MPPED2: variants seen among roughly 807,000 people sequenced by gnomAD.
The protein encoded by MPPED2 is metallophosphoesterase MPPED2.
In MPPED2, 5 loss-of-function variants were observed where a neutral mutation model predicts 33.0. The ratio of observed to expected loss-of-function variants is 0.15; its 90% confidence interval spans 0.08 to 0.32. The LOEUF is 0.32. MPPED2 is among the 10% of genes least tolerant of loss of function. The probability of loss-of-function intolerance (pLI) is 1.00; values close to 1 mark genes in which losing one functional copy is unlikely to be tolerated. For synonymous variants in MPPED2, 136 were observed against 141.9 expected (o/e 0.96, Z 0.29); for missense variants, 275 against 372.1 (o/e 0.74, Z 2.15).
intron 2 of MPPED2, among the ~76,000 whole-genome samples, chr11:30,558,071 A>G (rs982368596): frequency 6.6e-6 from 1 of 152,176 alleles, no homozygotes; most frequent in Non-Finnish European, 1.5e-5. Flanking sequence ...TGGTTTCACA[A>G]TTGTTTTCAG....
At chr11:30,460,055 C>T (rs547267902) in intron 4 of MPPED2, among the ~76,000 whole-genome samples, 1 of 152,210 alleles carries the variant, frequency 6.6e-6, no homozygotes, top group South Asian at 2.1e-4. Flanking sequence ...GCACACGGGG[C>T]ATTTTGTACT....
At chr11:30,455,212 C>G (rs1439027188) in intron 4 of MPPED2, among the ~76,000 whole-genome samples, 1 of 152,204 alleles carries the variant, frequency 6.6e-6, no homozygotes. Flanking sequence ...GAGCAAAAAC[C>G]AACCCTGGCT....
chr11:30,494,236 G>A (rs1312628417), intron 4 of MPPED2, among the ~76,000 whole-genome samples: 1 of 152,054 alleles, frequency 6.6e-6, no homozygotes, highest in African/African-American at 2.4e-5. Context: ...ACTGCTTCCA[G>A]TACAAAATGA....
At position 30,464,298 on chromosome 11, in the gene MPPED2, CAT is replaced by C. The variant is rs1554973309; in HGVS notation, c.536+30996_536+30997del. On this transcript the variant is annotated intron_variant, in intron 4 of 6. Coordinates refer to ENST00000358117, the MANE Select transcript of MPPED2 (RefSeq NM_001584.3). ...ACACACACACACACACACACACACACATACCACTTGACTATCGTCTACATTTC... is the reference window on the plus strand; with the variant it reads ...ACACACACACACACACACACACACACACCACTTGACTATCGTCTACATTTC... Among the ~76,000 whole-genome samples the C allele has an allele frequency of 5.3e-5, 8 of 151,548 alleles. No individual in the cohort carries two copies. In the East Asian group the frequency reaches 5.8e-4, roughly 11 times the overall value.
chr11:30,533,579 C>T, intron 3 of MPPED2, among the ~76,000 whole-genome samples: 1 of 152,126 alleles, frequency 6.6e-6, no homozygotes, highest in South Asian at 2.1e-4. Context: ...AAAGGGTCCT[C>T]ATTGAGCCAA....
intron 4 of MPPED2, among the ~76,000 whole-genome samples, chr11:30,434,891 G>T (rs567666359): frequency 6.6e-6 from 1 of 152,146 alleles, no homozygotes; most frequent in Non-Finnish European, 1.5e-5. Flanking sequence ...AATGAGGAAA[G>T]GTCCACAGTG....
At chr11:30,439,372 G>A (rs1162093633) in intron 4 of MPPED2, among the ~76,000 whole-genome samples, 1 of 152,074 alleles carries the variant, frequency 6.6e-6, no homozygotes, top group Non-Finnish European at 1.5e-5. Flanking sequence ...GATGTACACA[G>A]GGTTATTTTT....
At chr11:30,399,516 G>A (rs1389414748) in intron 6 of MPPED2, among the ~76,000 whole-genome samples, 5 of 152,086 alleles carry the variant, frequency 3.3e-5, no homozygotes, top group Admixed American at 1.3e-4. Context: ...AGAGTAGAAC[G>A]TAATGTACTG....
At chr11:30,435,043 A>T (rs1319672529) in intron 4 of MPPED2, among the ~76,000 whole-genome samples, 1 of 152,184 alleles carries the variant, frequency 6.6e-6, no homozygotes, top group Non-Finnish European at 1.5e-5. Context: ...GGCCAGGACA[A>T]TGTGTCAGAA....
At chr11:30,569,208 C>T (rs142741860) in intron 2 of MPPED2, among the ~76,000 whole-genome samples, 29 of 152,148 alleles carry the variant, frequency 1.9e-4, no homozygotes, top group African/African-American at 5.5e-4. Context: ...AGGGGCACAA[C>T]GTGGAGCAAA....
At chr11:30,462,872 T>A in intron 4 of MPPED2, among the ~76,000 whole-genome samples, 1 of 152,188 alleles carries the variant, frequency 6.6e-6, no homozygotes, top group Admixed American at 6.5e-5. Flanking sequence ...TTTAACAAGA[T>A]GTTTTAAAAG....
intron 2 of MPPED2, among the ~76,000 whole-genome samples, chr11:30,561,914 A>G (rs1956257465): frequency 6.6e-6 from 1 of 152,148 alleles, no homozygotes; most frequent in Admixed American, 6.6e-5. Context: ...TACAAACAGT[A>G]ACCTCTGTGA....
intron 3 of MPPED2, among the ~76,000 whole-genome samples, chr11:30,535,131 G>A (rs1236157827): frequency 2.0e-5 from 3 of 151,958 alleles, no homozygotes; most frequent in East Asian, 3.9e-4. Context: ...TCATTTAATC[G>A]AAAATTTAAA....
chr11:30,458,590 A>T (rs750894153), intron 4 of MPPED2, among the ~76,000 whole-genome samples: 7 of 152,242 alleles, frequency 4.6e-5, no homozygotes, highest in African/African-American at 9.6e-5. Flanking sequence ...CCTCATCATC[A>T]AATTACACGG....
chr11:30,415,442 G>A (rs2133757170), intron 5 of MPPED2, among the ~76,000 whole-genome samples: 1 of 152,282 alleles, frequency 6.6e-6, no homozygotes, highest in East Asian at 1.9e-4. Flanking sequence ...GCAAACATCT[G>A]AGAAAGCATC....
At chr11:30,564,301 C>T (rs1294158214) in intron 2 of MPPED2, among the ~76,000 whole-genome samples, 1 of 152,086 alleles carries the variant, frequency 6.6e-6, no homozygotes, top group African/African-American at 2.4e-5. Context: ...TGTTCTATAC[C>T]TAGTCATGCC....
intron 4 of MPPED2, among the ~76,000 whole-genome samples, chr11:30,447,046 T>G (rs1031787904): frequency 6.6e-6 from 1 of 152,316 alleles, no homozygotes; most frequent in East Asian, 1.9e-4. Context: ...TTTTATTTGA[T>G]AACATTAAAA....
chr11:30,522,709 T>G (rs55657651), intron 3 of MPPED2, among the ~76,000 whole-genome samples: 66 of 152,164 alleles, frequency 4.3e-4, no homozygotes, highest in African/African-American at 1.5e-3. Context: ...AATGGCTGCA[T>G]TGAATTACGT....
At chr11:30,469,023 G>A (rs1035989747) in intron 4 of MPPED2, 11 of 152,176 alleles carry the variant, frequency 7.2e-5, no homozygotes, top group East Asian at 1.9e-4. Flanking sequence ...AATCCATTAA[G>A]ATATTTTTGA....
Sources: gnomAD v4.1 joint callset for allele counts (sites outside exome capture counted in the v4.1 genomes callset) on GRCh38, gnomAD v4.1.1 for gene constraint, MANE v1.5 for transcripts, NCBI Gene and HGNC (gene_info 2026-07-23, HGNC 2026-07-21) for gene names.